The following LDLRAD4 variants were observed in gnomAD, a reference collection of about 807,000 sequenced individuals.
LDLRAD4 encodes low density lipoprotein receptor class A domain containing 4.
In LDLRAD4, 5 loss-of-function variants were observed where a neutral mutation model predicts 17.0. The observed-to-expected ratio is 0.29, with a 90% CI of 0.15 to 0.62. LDLRAD4 has a LOEUF of 0.62. Among genes scored for constraint, LDLRAD4 ranks in the 20% least tolerant of loss-of-function variants. The probability of loss-of-function intolerance (pLI) is 0.84; values close to 1 mark genes in which losing one functional copy is unlikely to be tolerated. For synonymous variants in LDLRAD4, 168 were observed against 171.8 expected, an observed-to-expected ratio of 0.98 and a Z score of 0.17; for missense variants, 340 against 424.7, an observed-to-expected ratio of 0.80 and a Z score of 1.75.
rs551868786 is a variant in LDLRAD4, at chr18:13,375,833, C to T, written c.-382-11508C>T. ...CTCCTCGTTTCCTCCCGCCCGCCAG[C>T]GCCTTGCTCTTCAACACTGGTCTTG... On this transcript the variant is annotated intron_variant, in intron 1 of 5. Coordinates refer to ENST00000359446, the Ensembl canonical transcript of LDLRAD4. 1.2e-4 allele frequency among the ~76,000 whole-genome samples: 19 copies of T among 152,286 alleles called. 1 individual carries two copies. The South Asian group carries it at 3.5e-3, about 28-fold the overall frequency.
chr18:13,445,568 A>G (rs537702097), intron 3 of LDLRAD4, among the ~76,000 whole-genome samples: 2 of 148,586 alleles, frequency 1.3e-5, no homozygotes, highest in African/African-American at 4.9e-5. Flanking sequence ...GTGTTTGTGC[A>G]TGTGTGTGTG....
chr18:13,545,922 G>A (rs1312901335), intron 3 of LDLRAD4, among the ~76,000 whole-genome samples: 3 of 152,166 alleles, frequency 2.0e-5, no homozygotes, highest in East Asian at 3.8e-4. Flanking sequence ...TCACAGAGCT[G>A]TCCTCAATCC....
At chr18:13,227,425 A>C (rs1407319458) in intron 1 of LDLRAD4, among the ~76,000 whole-genome samples, 3 of 152,194 alleles carry the variant, frequency 2.0e-5, no homozygotes, top group Non-Finnish European at 4.4e-5. Context: ...GCACCTGAGC[A>C]CATCAGGTGG....
intron 3 of LDLRAD4, among the ~76,000 whole-genome samples, chr18:13,497,437 C>CT (rs1372682705): frequency 2.6e-5 from 4 of 152,176 alleles, no homozygotes; most frequent in Middle Eastern, 3.4e-3. Flanking sequence ...CCTCGGCCTC[C>CT]CAAAGTGCTG....
At chr18:13,282,019 A>C (rs1250553356) in intron 1 of LDLRAD4, among the ~76,000 whole-genome samples, 1 of 152,228 alleles carries the variant, frequency 6.6e-6, no homozygotes, top group East Asian at 1.9e-4. Context: ...TGGCGGCAGC[A>C]AGAGAGAATG....
At chr18:13,445,364 AGT>A (rs760998943) in intron 3 of LDLRAD4, among the ~76,000 whole-genome samples, 2 of 151,460 alleles carry the variant, frequency 1.3e-5, no homozygotes, top group Non-Finnish European at 2.9e-5. Context: ...GGTGTCAGAG[AGT>A]GTGTGTGAGT....
At chr18:13,435,098 A>C (rs79175242) in intron 2 of LDLRAD4, among the ~76,000 whole-genome samples, 67 of 152,338 alleles carry the variant, frequency 4.4e-4, no homozygotes, top group African/African-American at 1.5e-3. Flanking sequence ...TAATCTCGTG[A>C]TTAGAGGACC....
chr18:13,297,022 C>T (rs546963588), intron 1 of LDLRAD4, among the ~76,000 whole-genome samples: 5 of 151,358 alleles, frequency 3.3e-5, no homozygotes, highest in Non-Finnish European at 7.4e-5. Context: ...TCCCCGCCAG[C>T]GGGTTCTCGT....
In LDLRAD4 at chr18:13,270,488, G is replaced by A. The variant is rs565622366; in HGVS notation, c.-466-7617G>A. On this transcript the variant is annotated intron_variant, in intron 1 of 5. Transcript: ENST00000399848. Reference sequence around the variant, plus strand: ...TCGTTCCAGGCCTATTTGCATTACCGCGTACAAGTGTATCACAGCACTGGA... The same window carrying A: ...TCGTTCCAGGCCTATTTGCATTACCACGTACAAGTGTATCACAGCACTGGA... 3.9e-5 allele frequency among the ~76,000 whole-genome samples: 6 copies of A among 152,300 alleles called. No individual in the cohort carries two copies. The South Asian group carries it at 6.2e-4, about 16-fold the overall frequency.
At chr18:13,322,312 G>GACAGA (rs2081297484) in intron 1 of LDLRAD4, among the ~76,000 whole-genome samples, 1 of 92,416 alleles carries the variant, frequency 1.1e-5, no homozygotes, top group Non-Finnish European at 1.8e-5. Context: ...TTTTTTTTTT[G>GACAGA]GTTTTGAGAC....
At position 13,578,827 on chromosome 18, in the gene LDLRAD4, CTTTTT is replaced by C. The variant is rs1003295658; in HGVS notation, c.182-42266_182-42262del. ...TGACCCATTTAAAAGTTGTCCGGGT[CTTTTT>C]TTTTTTTTTTTTTTTTTTTTTTTGT... is the stretch of plus-strand genomic sequence containing the variant. On this transcript the variant is annotated intron_variant, in intron 3 of 5. Transcript: ENST00000359446. Among the ~76,000 whole-genome samples the C allele has an allele frequency of 3.1e-3, 202 of 65,672 alleles. 1 individual carries two copies. Among genetic ancestry groups the C allele is most frequent in the Non-Finnish European group, 4.3e-3 (154 of 36,000 alleles). The allele number at this position is 65,672 out of a possible 152,430, so 43.1% of individuals were successfully genotyped here.
chr18:13,559,778 A>G (rs542595093), intron 3 of LDLRAD4, among the ~76,000 whole-genome samples: 1 of 152,324 alleles, frequency 6.6e-6, no homozygotes, highest in Non-Finnish European at 1.5e-5. Flanking sequence ...ACATTCGCTA[A>G]ATCACTGCCC....
At chr18:13,404,249 G>T (rs1404621934) in intron 2 of LDLRAD4, among the ~76,000 whole-genome samples, 2 of 152,358 alleles carry the variant, frequency 1.3e-5, no homozygotes, top group East Asian at 1.9e-4. Context: ...CCCCTGGGGG[G>T]CATCACTGTT....
chr18:13,524,727 C>T (rs914152078), intron 3 of LDLRAD4, among the ~76,000 whole-genome samples: 2 of 152,192 alleles, frequency 1.3e-5, no homozygotes, highest in Admixed American at 6.5e-5. Flanking sequence ...ATGAACTGTG[C>T]GTATTTCAGC....
rs2094925444 is a variant in LDLRAD4, at chr18:13,585,822, A to G, written c.182-35295A>G. On this transcript the variant is annotated intron_variant, in intron 3 of 5. Transcript: ENST00000359446. ...TACAGAATAATAAGCTCTGTGTTGG[A>G]AAGAATATATATATTTCAATATTGA... is the stretch of plus-strand genomic sequence containing the variant. 2.0e-5 allele frequency among the ~76,000 whole-genome samples: 3 copies of G among 152,200 alleles called. No homozygotes were observed. The South Asian group carries it at 6.2e-4, about 32-fold the overall frequency.
intron 1 of LDLRAD4, among the ~76,000 whole-genome samples, chr18:13,365,955 A>C (rs1164534519): frequency 6.6e-6 from 1 of 152,198 alleles, no homozygotes; most frequent in African/African-American, 2.4e-5. Flanking sequence ...TTGTATCTTT[A>C]GTAGAGAAGG....
At chr18:13,534,399 C>T (rs942676024) in intron 3 of LDLRAD4, among the ~76,000 whole-genome samples, 1 of 152,232 alleles carries the variant, frequency 6.6e-6, no homozygotes, top group African/African-American at 2.4e-5. Flanking sequence ...CCCATAAACA[C>T]GAATGTTAAT....
intron 3 of LDLRAD4, among the ~76,000 whole-genome samples, chr18:13,569,139 A>T (rs2094648894): frequency 6.6e-6 from 1 of 152,230 alleles, no homozygotes; most frequent in East Asian, 1.9e-4. Context: ...CTTGTTTTAG[A>T]TGATGTCATA....
At chr18:13,458,196 C>G (rs956318620) in intron 3 of LDLRAD4, among the ~76,000 whole-genome samples, 3 of 152,080 alleles carry the variant, frequency 2.0e-5, no homozygotes, top group Non-Finnish European at 4.4e-5. Flanking sequence ...GAGCAGGAGC[C>G]GTGGAGGGGT....
Sources: allele counts gnomAD v4.1 joint callset (sites outside exome capture counted in the v4.1 genomes callset), GRCh38; gene constraint gnomAD v4.1.1; transcripts MANE v1.5; gene names NCBI Gene and HGNC (gene_info 2026-07-23, HGNC 2026-07-21).